RAB5IF: variants seen among roughly 807,000 people sequenced by gnomAD.
RAB5IF encodes RAB5 interacting factor.
Under a neutral mutation model 20.3 loss-of-function variants are expected in RAB5IF, and 15 were observed. That is an observed-to-expected ratio of 0.74 (90% CI 0.50 to 1.14). The LOEUF is 1.14. RAB5IF is among the 50% of genes most tolerant of loss of function. RAB5IF has a pLI of 0.00. For missense variants in RAB5IF, 148 were observed against 159.5 expected (o/e 0.93, Z 0.39); for synonymous variants, 67 against 63.7 (o/e 1.05, Z -0.25).
intron 2 of RAB5IF, among the ~76,000 whole-genome samples, chr20:36,609,327 G>A (rs754207670): frequency 2.7e-5 from 4 of 150,406 alleles, no homozygotes; most frequent in Admixed American, 6.6e-5. Flanking sequence ...CAACCTCTCC[G>A]CCTCTGGGTT....
chr20:36,607,554 T>G (rs181403634), intron 1 of RAB5IF, among the ~76,000 whole-genome samples, 161 bp from the exon 2 acceptor site: 2 of 152,244 alleles, frequency 1.3e-5, no homozygotes, highest in East Asian at 3.9e-4. Context: ...TTCTACCACA[T>G]TTTAGTATAA....
chr20:36,612,419 T>TC lies in RAB5IF; in HGVS notation c.*368_*369insC. 1 of 619,662 alleles carries TC rather than the reference T, an allele frequency of 1.6e-6. No homozygotes were observed. The highest frequency in any genetic ancestry group is 1.8e-5 in the African/African-American group (1 of 54,286). The allele number at this position is 619,662 out of a possible 1,614,324, so 38.4% of individuals were successfully genotyped here. A position where few individuals can be genotyped will look rare whatever the true frequency, so the allele number is the denominator to read the frequency against. On this transcript the variant is annotated 3_prime_UTR_variant, in exon 4 of 4. Transcript: ENST00000344795. ...TCCATCGGGTGTAGAGTTTTTAAAC[T>TC]ATCAATGGCATTTCAAGTCTTCTGA...
At position 36,605,803 on chromosome 20, in the gene RAB5IF, T is replaced by C; in HGVS notation, c.-149T>C. 4 of 414,838 alleles carry C rather than the reference T, an allele frequency of 9.6e-6. No homozygotes were observed. The highest frequency in any genetic ancestry group is 1.3e-5 in the Non-Finnish European group (3 of 237,740). The allele number at this position is 414,838 out of a possible 1,614,324, so 25.7% of individuals were successfully genotyped here. A position where few individuals can be genotyped will look rare whatever the true frequency, so the allele number is the denominator to read the frequency against. ...TGTAGAGCCGGCGGAACCGGGTAGC[T>C]TGGCCAGGTTGTGAGGAACCGCAGC... On this transcript the variant is annotated 5_prime_UTR_variant, in exon 1 of 4. Coordinates refer to ENST00000344795, the MANE Select transcript of RAB5IF (RefSeq NM_018840.5).
rs1259651324 is a variant in RAB5IF, at chr20:36,611,990, A to G, written c.349-20A>G. 1.9e-6 allele frequency: 3 copies of G among 1,613,848 alleles called. No individual in the cohort carries two copies. Among genetic ancestry groups the G allele is most frequent in the Non-Finnish European group, 2.5e-6 (3 of 1,179,784 alleles). On this transcript the variant is annotated intron_variant, in intron 3 of 3. Transcript: ENST00000344795. ...GTGTTAAGCCAGGTGACCTATGAAC[A>G]GTGCTTGTCTCCTCACTAGGTCATT...
intron 3 of RAB5IF, 46 bp from the exon 4 acceptor site, chr20:36,611,964 T>C: frequency 6.2e-7 from 1 of 1,608,014 alleles, no homozygotes; most frequent in Non-Finnish European, 8.5e-7. Context: ...GGAATCGGCC[T>C]GTGTTAAGCC....
chr20:36,609,163 A>ATACATATACG, intron 2 of RAB5IF, among the ~76,000 whole-genome samples: 1 of 9,456 alleles, frequency 1.1e-4, no homozygotes, highest in East Asian at 2.8e-3. Flanking sequence ...TATTACACAC[A>ATACATATACG]CACACACACA....
At chr20:36,607,510 T>G (rs1214345222) in intron 1 of RAB5IF, among the ~76,000 whole-genome samples, 1 of 152,080 alleles carries the variant, frequency 6.6e-6, no homozygotes, top group Non-Finnish European at 1.5e-5. Context: ...GATTACAGGC[T>G]TCAGCCACCA....
intron 3 of RAB5IF, among the ~76,000 whole-genome samples, chr20:36,611,784 G>A (rs1420486000): frequency 6.6e-6 from 1 of 152,070 alleles, no homozygotes; most frequent in East Asian, 1.9e-4. Flanking sequence ...CATTTGGTAG[G>A]GGAGGAGCTT....
chr20:36,609,095 G>A (rs2039005626), intron 2 of RAB5IF, among the ~76,000 whole-genome samples: 1 of 150,632 alleles, frequency 6.6e-6, no homozygotes, highest in African/African-American at 2.4e-5. Context: ...CCCATGTCAG[G>A]TCCCGCTTGG....
At chr20:36,610,239 G>A (rs1001048874) in intron 3 of RAB5IF, among the ~76,000 whole-genome samples, 6 of 151,980 alleles carry the variant, frequency 3.9e-5, no homozygotes, top group South Asian at 2.1e-4. Flanking sequence ...AGCCAAGATC[G>A]CGCCATCGCA....
chr20:36,612,043 T>C lies in RAB5IF; in HGVS notation c.382T>C (p.Tyr128His). 6.2e-7 allele frequency: 1 copy of C among 1,614,194 alleles called. No homozygotes were observed. Among genetic ancestry groups the C allele is most frequent in the Non-Finnish European group, 8.5e-7 (1 of 1,180,038 alleles). ...GATCATCTTTTACACTGCCATCCAT[T>C]ATGACTGATGGTGTACAGCTCCCAA... is the stretch of plus-strand genomic sequence containing the variant. ...IWIIFYTAIH[Y>H]D The change falls in exon 4 of 4, where the codon TAT becomes CAT. Residue 128 changes from tyrosine to histidine, a missense_variant. Transcript: ENST00000344795.
chr20:36,610,380 A>G (rs1178354845), intron 3 of RAB5IF, among the ~76,000 whole-genome samples: 1 of 152,218 alleles, frequency 6.6e-6, no homozygotes, highest in Non-Finnish European at 1.5e-5. Context: ...CTATGTATCC[A>G]TACAGTAGAA....
chr20:36,609,179 A>ACG lies in RAB5IF; in HGVS notation c.219-421_219-420insGC, dbSNP rs1415144942. Among the ~76,000 whole-genome samples the ACG allele has an allele frequency of 1.4e-4, 5 of 34,880 alleles. 1 individual carries two copies. Among genetic ancestry groups the ACG allele is most frequent in the Non-Finnish European group, 2.8e-4 (5 of 18,086 alleles). The allele number at this position is 34,880 out of a possible 152,430, so 22.9% of individuals were successfully genotyped here. On this transcript the variant is annotated intron_variant, in intron 2 of 3. Coordinates refer to ENST00000344795, the MANE Select transcript of RAB5IF (RefSeq NM_018840.5). ...ATTACACACACACACACACACACACACACACACACACACACGCACACACGC... is the reference window on the plus strand; with the variant it reads ...ATTACACACACACACACACACACACACGCACACACACACACACGCACACACGC...
At chr20:36,609,809 G>C in intron 3 of RAB5IF, 79 bp downstream of exon 3, 1 of 1,613,190 alleles carries the variant, frequency 6.2e-7, no homozygotes, top group Non-Finnish European at 8.5e-7. Context: ...CCCACTGATT[G>C]AGTTACACTG....
At chr20:36,609,474 A>T in intron 2 of RAB5IF, 127 bp from the exon 3 acceptor site, 4 of 1,364,374 alleles carry the variant, frequency 2.9e-6, no homozygotes, top group African/African-American at 1.5e-5. Flanking sequence ...TCCTGACCGC[A>T]AGTGATCCGC....
Position 36,609,902 on chromosome 20 carries a change from C to G in RAB5IF, c.348+172C>G, listed in dbSNP as rs79454116. The G allele has an allele frequency of 7.3e-4, 786 of 1,081,534 alleles. 5 individuals are homozygous for G. In the African/African-American group the frequency reaches 0.011, roughly 15 times the overall value. 67.0% of individuals were successfully genotyped at this position (1,081,534 alleles called of 1,614,324 possible). A position where few individuals can be genotyped will look rare whatever the true frequency, so the allele number is the denominator to read the frequency against. On this transcript the variant is annotated intron_variant, in intron 3 of 3. Transcript: ENST00000344795. ...TGAGCCACATCCCAGAAGATGTGGT[C>G]TGATATACTGTACAGTCCCCTGTAA...
intron 3 of RAB5IF, among the ~76,000 whole-genome samples, chr20:36,611,278 A>G (rs1479769040): frequency 6.6e-6 from 1 of 152,056 alleles, no homozygotes; most frequent in Non-Finnish European, 1.5e-5. Context: ...GGTGTGAGCC[A>G]CTGCACCTGG....
At chr20:36,607,674 C>A in intron 1 of RAB5IF, 41 bp from the exon 2 acceptor site, 3 of 1,610,432 alleles carry the variant, frequency 1.9e-6, no homozygotes, top group African/African-American at 1.3e-5. Context: ...TCTTGTGGCA[C>A]CCACTCCAGA....
chr20:36,609,249 A>T lies in RAB5IF; in HGVS notation c.219-352A>T, dbSNP rs953134064. On this transcript the variant is annotated intron_variant, in intron 2 of 3. Transcript: ENST00000344795. ...CACACACACACACACACACACACAC[A>T]CACACACTATATATAGAGTTTCGCT... is the stretch of plus-strand genomic sequence containing the variant. Among the ~76,000 whole-genome samples the T allele has an allele frequency of 5.2e-5, 7 of 134,880 alleles. 1 individual carries two copies. The highest frequency in any genetic ancestry group is 1.6e-4 in the African/African-American group (5 of 30,904). 88.5% of individuals were successfully genotyped at this position (134,880 alleles called of 152,430 possible).
Sources: allele counts gnomAD v4.1 joint callset (sites outside exome capture counted in the v4.1 genomes callset), GRCh38; gene constraint gnomAD v4.1.1; transcripts MANE v1.5; gene names NCBI Gene and HGNC (gene_info 2026-07-23, HGNC 2026-07-21).